GRM4: variants seen among roughly 807,000 people sequenced by gnomAD.
The protein encoded by GRM4 is glutamate metabotropic receptor 4.
A neutral mutation model predicts 81.7 loss-of-function variants in GRM4; 28 were observed. The ratio of observed to expected loss-of-function variants is 0.34; its 90% confidence interval spans 0.25 to 0.47. The LOEUF is 0.47. GRM4 is among the 20% of genes least tolerant of loss of function. The pLI is 1.00. For missense variants in GRM4, 948 were observed against 1,290.0 expected, an observed-to-expected ratio of 0.73 and a Z score of 4.06; for synonymous variants, 488 against 528.8, an observed-to-expected ratio of 0.92 and a Z score of 1.06.
intron 1 of GRM4, among the ~76,000 whole-genome samples, chr6:34,134,845 A>G (rs994736407): frequency 1.8e-4 from 28 of 152,240 alleles, no homozygotes; most frequent in African/African-American, 6.8e-4. Flanking sequence ...CTGCAAGAGT[A>G]GAGAAGAGAA....
rs1455944533 is a variant in GRM4 at position 34,059,027 on chromosome 6, T to A, written c.974A>T (p.Glu325Val). The stretch of plus-strand genomic sequence containing the variant: ...CGTGACAGCACCCTCAGCCACCTCC[T>A]CCAGGTGCAGCACAGGTGCAATCTT... ...GSKIAPVLHLEEVAEGAVTIL... is the reference protein window; with the variant it reads ...GSKIAPVLHLVEVAEGAVTIL... Residue 325 changes from glutamate (E) to valine (V), a missense_variant, in exon 5 of 11, where the codon GAG becomes GTG. Glu to Val is a moderately radical substitution (Grantham distance 121, BLOSUM62 -2). Coordinates refer to ENST00000538487, the MANE Select transcript of GRM4 (RefSeq NM_000841.4). This position sits in a 1 kb window ranked among gnomAD's most constrained non-coding sequence, Gnocchi z 5.7. 4 of 1,613,754 alleles carry A rather than the reference T, an allele frequency of 2.5e-6. No homozygotes were observed. The highest frequency in any genetic ancestry group is 3.4e-6 in the Non-Finnish European group (4 of 1,179,866).
At chr6:34,037,543 GTT>G (rs1764773482) in intron 8 of GRM4, among the ~76,000 whole-genome samples, 3 of 152,160 alleles carry the variant, frequency 2.0e-5, no homozygotes, top group African/African-American at 7.2e-5. Context: ...TAACTAGCTG[GTT>G]GGGGGGTGTG....
At chr6:34,088,051 CCAGG>C (rs1002691606) in intron 3 of GRM4, among the ~76,000 whole-genome samples, 13 of 152,234 alleles carry the variant, frequency 8.5e-5, no homozygotes, top group African/African-American at 3.1e-4. Context: ...GGGCTGGGAC[CCAGG>C]CAGCCAGACC....
chr6:34,026,855 C>T (rs1446717749), intron 10 of GRM4, among the ~76,000 whole-genome samples: 2 of 152,210 alleles, frequency 1.3e-5, no homozygotes, highest in Non-Finnish European at 2.9e-5. Context: ...GCATATCTGA[C>T]AGACCTGCTC....
rs1221975251 is a variant in GRM4, at chr6:34,070,736, T to C, written c.737-8708A>G. 6.7e-6 allele frequency among the ~76,000 whole-genome samples: 1 copy of C among 149,628 alleles called. No homozygotes were observed. The highest frequency in any genetic ancestry group is 1.5e-5 in the Non-Finnish European group (1 of 67,324). ...AGGATTATCCAAGGCAGCACACACA[T>C]CCTTTCCCTCCTGAAGGCTCTCAGC... On this transcript the variant is annotated intron_variant, in intron 3 of 10. Coordinates refer to ENST00000538487, the MANE Select transcript of GRM4 (RefSeq NM_000841.4). The surrounding 1 kb of genome is among the most constrained non-coding windows in gnomAD (Gnocchi z 4.6).
chr6:34,061,764 A>G lies in GRM4; in HGVS notation c.872+129T>C, dbSNP rs1260370330. On this transcript the variant is annotated intron_variant, in intron 4 of 10. Coordinates refer to ENST00000538487, the MANE Select transcript of GRM4 (RefSeq NM_000841.4). The stretch of plus-strand genomic sequence containing the variant: ...CTCCCTGCCCACATACCCACTCACC[A>G]GCACCCACCTCTCTGGATCCCAGGG... 12 of 965,756 alleles carry G rather than the reference A, an allele frequency of 1.2e-5. No individual in the cohort carries two copies. In the Admixed American group the frequency reaches 1.2e-4, roughly 10 times the overall value. 59.8% of individuals were successfully genotyped at this position (965,756 alleles called of 1,614,324 possible).
At position 34,114,682 on chromosome 6, in the gene GRM4, C is replaced by T. The variant is rs1214967148; in HGVS notation, c.519+18296G>A. On this transcript the variant is annotated intron_variant, in intron 2 of 10. Transcript: ENST00000538487. This position sits in a 1 kb window ranked among gnomAD's most constrained non-coding sequence, Gnocchi z 4.3. ...ACCCTGAGGACACTGCCCGGCTCCACCTCTGACAAAGGCTGCCCCATGCAC... is the reference window on the plus strand; with the variant it reads ...ACCCTGAGGACACTGCCCGGCTCCATCTCTGACAAAGGCTGCCCCATGCAC... 1.3e-5 allele frequency among the ~76,000 whole-genome samples: 2 copies of T among 152,160 alleles called. No individual in the cohort carries two copies. The highest frequency in any genetic ancestry group is 2.9e-5 in the Non-Finnish European group (2 of 68,022).
intron 2 of GRM4, 41 bp downstream of exon 2, chr6:34,132,937 T>C (rs928723732): frequency 2.0e-6 from 3 of 1,519,188 alleles, no homozygotes; most frequent in African/African-American, 1.4e-5. Flanking sequence ...GCAGAGTCCG[T>C]TGGGGGAAGA....
chr6:34,153,506 G>A (rs74498954), intron 1 of GRM4, among the ~76,000 whole-genome samples: 5 of 152,372 alleles, frequency 3.3e-5, no homozygotes, highest in African/African-American at 1.2e-4. Context: ...GCCTTTTGCC[G>A]AACACTGCAG....
intron 1 of GRM4, among the ~76,000 whole-genome samples, chr6:34,139,300 G>T (rs992084024): frequency 3.3e-5 from 5 of 152,256 alleles, no homozygotes; most frequent in Admixed American, 6.5e-5. Context: ...TGGGCATGGG[G>T]TGGAATGCCC....
intron 3 of GRM4, among the ~76,000 whole-genome samples, chr6:34,083,873 G>A (rs1295599152): frequency 6.6e-6 from 1 of 152,208 alleles, no homozygotes; most frequent in Non-Finnish European, 1.5e-5. Context: ...GTCATCTGAT[G>A]AGGTGGGAGG....
chr6:34,056,460 A>G, intron 6 of GRM4, 84 bp downstream of exon 6: 2 of 1,238,926 alleles, frequency 1.6e-6, no homozygotes, highest in Non-Finnish European at 2.3e-6. Flanking sequence ...AGACAAAGGG[A>G]GACTCTCGGC....
intron 9 of GRM4, 26 bp from the exon 10 acceptor site, chr6:34,028,392 A>C (rs1361826179): frequency 1.7e-5 from 28 of 1,600,424 alleles, no homozygotes; most frequent in African/African-American, 2.7e-5. Flanking sequence ...GTGGCGTCAG[A>C]GCAGGCTCTG....
rs565191912 is a variant in GRM4, at chr6:34,151,514, C to T, written c.312+3565G>A. 2.0e-3 allele frequency among the ~76,000 whole-genome samples: 302 copies of T among 152,292 alleles called. 1 individual carries two copies. The highest frequency in any genetic ancestry group is 3.1e-3 in the Non-Finnish European group (212 of 68,030). Reference sequence around the variant, plus strand: ...ACAATTAACATTTAAAAGCCCCTTCCGCCCAAGACCTCGTGGCCGCCTGCT... The same window carrying T: ...ACAATTAACATTTAAAAGCCCCTTCTGCCCAAGACCTCGTGGCCGCCTGCT... On this transcript the variant is annotated intron_variant, in intron 1 of 8. Transcript: ENST00000374177.
chr6:34,127,227 A>T (rs1252449559), intron 2 of GRM4, among the ~76,000 whole-genome samples: 1 of 152,200 alleles, frequency 6.6e-6, no homozygotes, highest in African/African-American at 2.4e-5. Context: ...GAACAGGGAA[A>T]GAGACAGAAT....
chr6:34,132,739 C>A (rs1169002245), intron 2 of GRM4, among the ~76,000 whole-genome samples: 1 of 152,218 alleles, frequency 6.6e-6, no homozygotes, highest in Non-Finnish European at 1.5e-5. Flanking sequence ...GTCAGCGCCA[C>A]AAGGCTGGGT....
rs1674056038 is a variant in GRM4, at chr6:34,047,220, C to T, written c.1169-6472G>A. ...CCTGACACGCCCCTGCTGGATGACACCCCACCCCTGGAGGCCTCCCCTCCA... is the reference window on the plus strand; with the variant it reads ...CCTGACACGCCCCTGCTGGATGACATCCCACCCCTGGAGGCCTCCCCTCCA... On this transcript the variant is annotated intron_variant, in intron 6 of 10. Coordinates refer to ENST00000538487, the MANE Select transcript of GRM4 (RefSeq NM_000841.4). The surrounding 1 kb of genome is among the most constrained non-coding windows in gnomAD (Gnocchi z 4.5). 6.6e-6 allele frequency among the ~76,000 whole-genome samples: 1 copy of T among 152,132 alleles called. No individual in the cohort carries two copies. Among genetic ancestry groups the T allele is most frequent in the African/African-American group, 2.4e-5 (1 of 41,408 alleles).
intron 2 of GRM4, among the ~76,000 whole-genome samples, chr6:34,117,297 G>A (rs1198139352): frequency 6.6e-6 from 1 of 152,198 alleles, no homozygotes; most frequent in Non-Finnish European, 1.5e-5. Context: ...AACTGAAAAT[G>A]GCAGGGCCGG....
intron 2 of GRM4, among the ~76,000 whole-genome samples, chr6:34,117,399 C>G (rs2127501963): frequency 6.6e-6 from 1 of 152,300 alleles, no homozygotes; most frequent in South Asian, 2.1e-4. Flanking sequence ...TCAGGGGTAT[C>G]TGCCTCCTTC....
Sources: allele counts gnomAD v4.1 joint callset (sites outside exome capture counted in the v4.1 genomes callset), GRCh38; gene constraint gnomAD v4.1.1; non-coding constraint Gnocchi (gnomAD v3.1); transcripts MANE v1.5; gene names NCBI Gene and HGNC (gene_info 2026-07-23, HGNC 2026-07-21).